Variants in ASXL1 observed in about 807,000 individuals in gnomAD.
ASXL1 encodes the protein polycomb group protein ASXL1.
In ASXL1, 65 loss-of-function variants were observed where a neutral mutation model predicts 89.1. The observed-to-expected ratio is 0.73, with a 90% CI of 0.60 to 0.90. ASXL1 has a LOEUF of 0.90. Ranked by LOEUF, ASXL1 falls within the 40% of genes least tolerant of loss-of-function variation. The pLI is 0.00. For synonymous variants in ASXL1, 739 were observed against 746.9 expected (o/e 0.99, Z 0.17); for missense variants, 1,786 against 1,942.9 (o/e 0.92, Z 1.52).
intron 4 of ASXL1, among the ~76,000 whole-genome samples, chr20:32,411,067 T>TAAAAA (rs2049036103): frequency 7.1e-6 from 1 of 140,556 alleles, no homozygotes; most frequent in African/African-American, 2.8e-5. Context: ...AAAAAAAAAT[T>TAAAAA]AGTACTCTGA....
chr20:32,423,913 T>C (rs972279009), intron 4 of ASXL1, among the ~76,000 whole-genome samples: 5 of 152,220 alleles, frequency 3.3e-5, no homozygotes, highest in African/African-American at 1.2e-4. Context: ...ATAAAAATTA[T>C]GCAGTATTAG....
chr20:32,381,576 G>A (rs1195639309), intron 4 of ASXL1, among the ~76,000 whole-genome samples: 7 of 150,248 alleles, frequency 4.7e-5, no homozygotes, highest in Admixed American at 1.3e-4. Context: ...GTGCAGTGGC[G>A]GGATCTCGGC....
chr20:32,434,110 C>G, intron 12 of ASXL1, 193 bp downstream of exon 12: 1 of 851,184 alleles, frequency 1.2e-6, no homozygotes, highest in Non-Finnish European at 1.8e-6. Flanking sequence ...TTTGTTCACT[C>G]TGTTGAAGTT....
rs1324593344 is a variant in ASXL1 at position 32,411,042 on chromosome 20, AAAAATAAAAAAAAT to A, written c.253-17081_253-17068del. Among the ~76,000 whole-genome samples, 3 of 49,768 alleles carry A rather than the reference AAAAATAAAAAAAAT, an allele frequency of 6.0e-5. 1 individual carries two copies. The highest frequency in any genetic ancestry group is 1.0e-4 in the Non-Finnish European group (2 of 19,140). The allele number at this position is 49,768 out of a possible 152,430, so 32.6% of individuals were successfully genotyped here. A position where few individuals can be genotyped will look rare whatever the true frequency, so the allele number is the denominator to read the frequency against. On this transcript the variant is annotated intron_variant, in intron 4 of 12. Coordinates refer to ENST00000375687, the MANE Select transcript of ASXL1 (RefSeq NM_015338.6). ...ACAAGACTCTGTCTCAAAAAAAAAA[AAAAATAAAAAAAAT>A]AAAAAAAAATTAGTACTCTGAGAGT...
At chr20:32,389,337 G>T (rs1453655074) in intron 4 of ASXL1, among the ~76,000 whole-genome samples, 1 of 152,014 alleles carries the variant, frequency 6.6e-6, no homozygotes, top group East Asian at 1.9e-4. Context: ...CTATCAACGT[G>T]CCATATGATT....
intron 4 of ASXL1, among the ~76,000 whole-genome samples, chr20:32,390,541 T>C (rs952623864): frequency 2.6e-5 from 4 of 152,122 alleles, no homozygotes; most frequent in African/African-American, 9.7e-5. Flanking sequence ...GGCATGATCG[T>C]AGCTCACTGC....
At chr20:32,405,128 T>C (rs1053882796) in intron 4 of ASXL1, among the ~76,000 whole-genome samples, 1 of 151,930 alleles carries the variant, frequency 6.6e-6, no homozygotes, top group East Asian at 1.9e-4. Context: ...CCTTACTATT[T>C]TTATTTATTT....
rs777169553 is a variant in ASXL1, at chr20:32,435,271, G to A, written c.2559G>A (p.Pro853=). ...VTPSSTPESS[P]TDCLQNRAFD... is the part of the protein sequence containing the mutation. ...CCAGTTCCACACCTGAATCCTCACC[G>A]ACTGATTGCCTGCAGAACAGAGCAT... Residue 853 remains proline (P), a synonymous_variant, in exon 13 of 13, where the codon CCG becomes CCA. Coordinates refer to ENST00000375687, the MANE Select transcript of ASXL1 (RefSeq NM_015338.6). The A allele has an allele frequency of 9.3e-6, 15 of 1,613,990 alleles. No homozygotes were observed. Among genetic ancestry groups the A allele is most frequent in the East Asian group, 4.5e-5 (2 of 44,890 alleles).
intron 4 of ASXL1, among the ~76,000 whole-genome samples, chr20:32,375,444 G>A (rs1359464448): frequency 7.8e-6 from 1 of 128,762 alleles, no homozygotes; most frequent in Non-Finnish European, 1.7e-5. Flanking sequence ...GCAAGACTTG[G>A]TCTCAAAAAA....
At position 32,429,131 on chromosome 20, in the gene ASXL1, A is replaced by G. The variant is rs779583494; in HGVS notation, c.472-207A>G. The G allele has an allele frequency of 3.3e-6, 2 of 602,758 alleles. No individual in the cohort carries two copies. The highest frequency in any genetic ancestry group is 5.9e-6 in the Non-Finnish European group (2 of 336,296). 37.3% of individuals were successfully genotyped at this position (602,758 alleles called of 1,614,324 possible). On this transcript the variant is annotated intron_variant, in intron 6 of 12. Transcript: ENST00000375687. The surrounding 1 kb of genome is among the most constrained non-coding windows in gnomAD (Gnocchi z 4.9). Reference sequence around the variant, plus strand: ...ACCTGTAAAATGGGGATAACAGTACATTTTTGTAGCTTGGAATGATGCTTG... The same window carrying G: ...ACCTGTAAAATGGGGATAACAGTACGTTTTTGTAGCTTGGAATGATGCTTG...
intron 4 of ASXL1, among the ~76,000 whole-genome samples, chr20:32,418,185 T>A (rs953476009): frequency 7.3e-5 from 11 of 151,186 alleles, no homozygotes; most frequent in Non-Finnish European, 1.3e-4. Flanking sequence ...ATCAAAAAAA[T>A]AATAATAATA....
intron 1 of ASXL1, chr20:32,360,014 CTT>C: frequency 1.9e-6 from 1 of 532,578 alleles, no homozygotes; most frequent in Non-Finnish European, 3.4e-6. Flanking sequence ...GAAGCTCAGA[CTT>C]AATTTTCTCT....
In ASXL1 at chr20:32,433,750, G is replaced by T. The variant is rs1209779368; in HGVS notation, c.1552G>T (p.Glu518Ter). Reference protein sequence around the residue: ...PSLPQETVDQEPKDQKRKSFE... With the variant: ...PSLPQETVDQ The stretch of plus-strand genomic sequence containing the variant: ...CCTGCCTCAGGAAACTGTGGATCAG[G>T]AACCCAAGGATCAGAAGAGGAAATC... Residue 518 changes from glutamate to a stop codon, truncating the protein, a stop_gained, in exon 12 of 13, where the codon GAA becomes TAA. Coordinates refer to ENST00000375687, the MANE Select transcript of ASXL1 (RefSeq NM_015338.6). LOFTEE classifies it high-confidence loss of function. 1.2e-6 allele frequency: 2 copies of T among 1,614,146 alleles called. No homozygotes were observed. Among genetic ancestry groups the T allele is most frequent in the Non-Finnish European group, 1.7e-6 (2 of 1,179,978 alleles).
intron 4 of ASXL1, chr20:32,372,043 G>C (rs1338942836): frequency 8.1e-7 from 1 of 1,235,548 alleles, no homozygotes; most frequent in Admixed American, 2.5e-5. Flanking sequence ...TTTTCTATGA[G>C]TACCTTAAGG....
chr20:32,385,280 A>T (rs1360232631), intron 4 of ASXL1, among the ~76,000 whole-genome samples: 2 of 152,200 alleles, frequency 1.3e-5, no homozygotes, highest in Non-Finnish European at 2.9e-5. Flanking sequence ...TGGTTCAGAG[A>T]TTTGTTTTTA....
At position 32,429,851 on chromosome 20, in the gene ASXL1, A is replaced by G. The variant is rs777180366; in HGVS notation, c.566-50A>G. On this transcript the variant is annotated intron_variant, in intron 7 of 12. Transcript: ENST00000375687. This position sits in a 1 kb window ranked among gnomAD's most constrained non-coding sequence, Gnocchi z 4.9. ...GGAGAAATGAGCTTGTCTGAGAGCC[A>G]TGGGCGCGGCTTGGTGATACTTTTG... 17 of 1,597,768 alleles carry G rather than the reference A, an allele frequency of 1.1e-5. No homozygotes were observed. The highest frequency in any genetic ancestry group is 1.4e-5 in the Non-Finnish European group (16 of 1,176,118).
intron 4 of ASXL1, among the ~76,000 whole-genome samples, chr20:32,382,754 C>T (rs775383511): frequency 8.5e-5 from 13 of 152,074 alleles, no homozygotes; most frequent in Non-Finnish European, 1.2e-4. Flanking sequence ...CCACTGCACT[C>T]CAGCCTGGGC....
At position 32,434,891 on chromosome 20, in the gene ASXL1, G is replaced by A. The variant is rs1264581343; in HGVS notation, c.2179G>A (p.Glu727Lys). The A allele has an allele frequency of 1.2e-6, 2 of 1,614,190 alleles. No individual in the cohort carries two copies. The highest frequency in any genetic ancestry group is 1.7e-6 in the Non-Finnish European group (2 of 1,180,028). ...AGAGGACCTGCCTTCTCTGAGAAAG[G>A]AGGAAAGCTGCCTACTACAGAGGGC... The part of the protein sequence containing the change: ...RREDLPSLRK[E>K]ESCLLQRATV... Residue 727 changes from glutamate (E) to lysine (K), a missense_variant, in exon 13 of 13, where the codon GAG (glutamate) becomes AAG (lysine). By Grantham distance (56) the Glu-to-Lys change is moderately conservative (BLOSUM62 1). This residue lies in a region of ASXL1 where 1,418 missense variants were observed against 1,427.8 expected (regional missense o/e 0.99). Transcript: ENST00000375687.
chr20:32,358,977 G>T, intron 1 of ASXL1, 145 bp downstream of exon 1: 1 of 898,322 alleles, frequency 1.1e-6, no homozygotes, highest in Non-Finnish European at 1.6e-6. Context: ...GGACAGCCCC[G>T]CAAGGCGAGG....
Sources: allele counts gnomAD v4.1 joint callset (sites outside exome capture counted in the v4.1 genomes callset), GRCh38; gene constraint gnomAD v4.1.1; regional missense constraint gnomAD v4.1.1; non-coding constraint Gnocchi (gnomAD v3.1); transcripts MANE v1.5; gene names NCBI Gene and HGNC (gene_info 2026-07-23, HGNC 2026-07-21).